The following GSDMA variants were observed in gnomAD, a reference collection of about 807,000 sequenced individuals.
The protein encoded by GSDMA is gasdermin-A.
A neutral mutation model predicts 54.3 loss-of-function variants in GSDMA; 55 were observed. The ratio of observed to expected loss-of-function variants is 1.01; its 90% confidence interval spans 0.82 to 1.27. The LOEUF (loss-of-function observed/expected upper bound fraction) is 1.27, where lower values mean the gene tolerates loss of function less well. Among genes scored for constraint, GSDMA ranks in the 50% most tolerant of loss-of-function variants. The pLI, the probability that GSDMA is intolerant of heterozygous loss-of-function variation, is 0.00. For synonymous variants in GSDMA, 211 were observed against 224.7 expected (o/e 0.94, Z 0.54); for missense variants, 542 against 542.6 (o/e 1.00, Z 0.01).
intron 11 of GSDMA, among the ~76,000 whole-genome samples, chr17:39,976,514 G>A (rs564223478): frequency 1.5e-4 from 23 of 152,160 alleles, no homozygotes; most frequent in Non-Finnish European, 2.2e-4. Context: ...CTGACCTCAG[G>A]TGATCTGCCC....
chr17:39,977,071 G>A lies in GSDMA; in HGVS notation c.*13G>A, dbSNP rs201944555. 578 of 1,613,274 alleles carry A rather than the reference G, an allele frequency of 3.6e-4. 2 individuals carry two copies. Among genetic ancestry groups the A allele is most frequent in the Middle Eastern group, 1.6e-4 (1 of 6,072 alleles). ...CAAGGCCTCCTAATTTGCCTTTTAC[G>A]TCTGCTTCATGACTCCCTAATGCCT... On this transcript the variant is annotated 3_prime_UTR_variant, in exon 12 of 12. Transcript: ENST00000301659.
Position 39,965,906 on chromosome 17 carries a change from G to A in GSDMA, c.214+5G>A, listed in dbSNP as rs1195608876. On this transcript the variant is annotated splice_donor_5th_base_variant and intron_variant, in intron 2 of 11. Transcript: ENST00000301659. Reference sequence around the variant, plus strand: ...AGCCCGGCAGCTCACCTTCAGGTCAGCCTCAAGCGGGGCTGGGAACTGAGG... The same window carrying A: ...AGCCCGGCAGCTCACCTTCAGGTCAACCTCAAGCGGGGCTGGGAACTGAGG... The A allele has an allele frequency of 1.4e-5, 21 of 1,551,080 alleles. No individual in the cohort carries two copies. The South Asian group carries it at 1.5e-4, about 11-fold the overall frequency.
chr17:39,965,267 A>G (rs1979589211), intron 1 of GSDMA, among the ~76,000 whole-genome samples: 1 of 138,200 alleles, frequency 7.2e-6, no homozygotes, highest in African/African-American at 2.7e-5. Flanking sequence ...GGAGAGAAAG[A>G]AAGAAGGAAG....
Position 39,965,340 on chromosome 17 carries a change from A to AAAGAAAGAAAAAGAG in GSDMA, c.-5-332_-5-331insAGAGAAGAAAGAAAA, listed in dbSNP as rs1979599276. On this transcript the variant is annotated intron_variant, in intron 1 of 11. Transcript: ENST00000301659. ...AGAAAGAAAGAAAGAAAGAAAAAGA[A>AAAGAAAGAAAAAGAG]AAGAAAGAAAAGAAGTGCTCCAGCT... Among the ~76,000 whole-genome samples, 28 of 152,222 alleles carry AAAGAAAGAAAAAGAG rather than the reference A, an allele frequency of 1.8e-4. No individual in the cohort carries two copies. In the South Asian group the frequency reaches 5.8e-3, roughly 32 times the overall value.
At chr17:39,965,249 G>GGAGA (rs1400906128) in intron 1 of GSDMA, among the ~76,000 whole-genome samples, 2 of 125,840 alleles carry the variant, frequency 1.6e-5, no homozygotes, top group African/African-American at 6.1e-5. Flanking sequence ...AGGAAGAAAG[G>GGAGA]GAGGGAGGGA....
At chr17:39,969,261 G>C (rs903382102) in intron 3 of GSDMA, among the ~76,000 whole-genome samples, 1 of 151,142 alleles carries the variant, frequency 6.6e-6, no homozygotes, top group Non-Finnish European at 1.5e-5. Context: ...GAGGCAAGGG[G>C]ATCACTTAAG....
chr17:39,969,531 C>T (rs1979833524), intron 3 of GSDMA, among the ~76,000 whole-genome samples: 1 of 151,978 alleles, frequency 6.6e-6, no homozygotes, highest in African/African-American at 2.4e-5. Context: ...GGAGTTGAGC[C>T]AGGGTGGTAC....
chr17:39,965,390 G>A (rs1979601712), intron 1 of GSDMA: 4 of 377,084 alleles, frequency 1.1e-5, no homozygotes, highest in Admixed American at 3.9e-5. Flanking sequence ...TGAAGAAAAT[G>A]AGCGTGGAGT....
At chr17:39,966,811 T>G (rs766376346) in intron 3 of GSDMA, among the ~76,000 whole-genome samples, 13 of 152,198 alleles carry the variant, frequency 8.5e-5, no homozygotes, top group Non-Finnish European at 1.5e-4. Context: ...TCTAAGACTA[T>G]GCAATACACT....
At chr17:39,966,690 G>A (rs1010113070) in intron 3 of GSDMA, among the ~76,000 whole-genome samples, 2 of 152,182 alleles carry the variant, frequency 1.3e-5, no homozygotes, top group African/African-American at 2.4e-5. Context: ...GGAAGATGAT[G>A]TCCACACTAG....
At chr17:39,972,100 T>TCCCCCC (rs1421235927) in intron 5 of GSDMA, 29 bp from the exon 6 acceptor site, 1 of 835,098 alleles carries the variant, frequency 1.2e-6, no homozygotes, top group Non-Finnish European at 2.0e-6. Flanking sequence ...CTAAGTGTCC[T>TCCCCCC]CCCACCCTCC....
intron 1 of GSDMA, 42 bp from the exon 2 acceptor site, chr17:39,965,641 T>C: frequency 6.7e-7 from 1 of 1,499,264 alleles, no homozygotes; most frequent in South Asian, 1.2e-5. Context: ...TTGGCAGCCT[T>C]GGCAGCCACC....
rs747241988 is a variant in GSDMA at position 39,972,140 on chromosome 17, A to C, written c.667A>C (p.Ile223Leu). 2.8e-5 allele frequency: 45 copies of C among 1,592,116 alleles called. No homozygotes were observed. The highest frequency in any genetic ancestry group is 3.9e-5 in the Non-Finnish European group (45 of 1,165,128). ...KGKDEWDIPH[I>L]CNDNMQTFPP... ...CTTGCCCTTCACAGATATTCCACAT[A>C]TCTGCAATGATAACATGCAAACCTT... is the stretch of plus-strand genomic sequence containing the variant. Residue 223 changes from isoleucine (I) to leucine (L), a missense_variant, in exon 6 of 12, where the codon ATC becomes CTC. By Grantham distance (5) the Ile-to-Leu change is conservative (BLOSUM62 2). Transcript: ENST00000301659.
chr17:39,965,351 A>C (rs1979599674), intron 1 of GSDMA, among the ~76,000 whole-genome samples: 1 of 152,126 alleles, frequency 6.6e-6, no homozygotes, highest in Admixed American at 6.5e-5. Flanking sequence ...AAGAAAGAAA[A>C]GAAGTGCTCC....
At chr17:39,967,138 G>A (rs1979706357) in intron 3 of GSDMA, among the ~76,000 whole-genome samples, 2 of 152,208 alleles carry the variant, frequency 1.3e-5, no homozygotes, top group Admixed American at 6.5e-5. Flanking sequence ...ACTACGGGCT[G>A]GGGTGCGCCT....
At chr17:39,974,864 A>G (rs1980129048) in intron 9 of GSDMA, 36 bp from the exon 10 acceptor site, 1 of 1,246,742 alleles carries the variant, frequency 8.0e-7, no homozygotes, top group South Asian at 1.2e-5. Flanking sequence ...GCCCTTTCCT[A>G]TGTTATCTTC....
At chr17:39,970,262 A>G (rs1979871110) in intron 3 of GSDMA, among the ~76,000 whole-genome samples, 1 of 152,206 alleles carries the variant, frequency 6.6e-6, no homozygotes, top group Non-Finnish European at 1.5e-5. Context: ...GGAGGTCAGC[A>G]TCATTATACT....
At chr17:39,964,719 G>A (rs1217683106) in intron 1 of GSDMA, among the ~76,000 whole-genome samples, 1 of 152,178 alleles carries the variant, frequency 6.6e-6, no homozygotes, top group Non-Finnish European at 1.5e-5. Flanking sequence ...CAGGTGAACA[G>A]CTTGGCCACC....
At chr17:39,973,785 C>CTT (rs147608267) in intron 7 of GSDMA, 25 bp from the exon 8 acceptor site, 23 of 1,454,356 alleles carry the variant, frequency 1.6e-5, no homozygotes, top group African/African-American at 8.5e-5. Context: ...GCATTCTTAT[C>CTT]TTTTTTTTTT....
Sources: gnomAD v4.1 joint callset for allele counts (sites outside exome capture counted in the v4.1 genomes callset) on GRCh38, gnomAD v4.1.1 for gene constraint, MANE v1.5 for transcripts, NCBI Gene and HGNC (gene_info 2026-07-23, HGNC 2026-07-21) for gene names.